The following ADGRB1 variants were observed in gnomAD, a reference collection of about 807,000 sequenced individuals.
ADGRB1 encodes adhesion G protein-coupled receptor B1, also known as brain-specific angiogenesis inhibitor 1.
ADGRB1 carries 36 observed loss-of-function variants against 175.7 expected under a neutral mutation model. The ratio of observed to expected loss-of-function variants is 0.20; its 90% CI spans 0.16 to 0.27. The LOEUF is 0.27. Ranked by LOEUF, ADGRB1 falls within the 10% of genes least tolerant of loss-of-function variation. The pLI is 1.00. For missense variants in ADGRB1, 1,731 were observed against 2,255.3 expected, an observed-to-expected ratio of 0.77 and a Z score of 4.71; for synonymous variants, 1,054 against 979.4, an observed-to-expected ratio of 1.08 and a Z score of -1.42.
In ADGRB1 at chr8:142,478,206, C is replaced by T. The variant is rs1271398485; in HGVS notation, c.1407C>T (p.Asn469=). Residue 469 remains asparagine (N), a synonymous_variant, in exon 7 of 31, where the codon AAC becomes AAT. Transcript: ENST00000517894. ...ALCPGRAVDG[N]WNEWSSWSAC... is the part of the protein sequence containing the mutation. Reference sequence around the variant, plus strand: ...CCCCGGGCCGGGCAGTGGATGGAAACTGGAATGAGTGGTCGAGCTGGAGCG... The same window carrying T: ...CCCCGGGCCGGGCAGTGGATGGAAATTGGAATGAGTGGTCGAGCTGGAGCG... 6.2e-7 allele frequency: 1 copy of T among 1,607,102 alleles called. No homozygotes were observed. Among genetic ancestry groups the T allele is most frequent in the African/African-American group, 1.3e-5 (1 of 74,790 alleles).
At chr8:142,466,776 G>A (rs1414368570) in intron 2 of ADGRB1, among the ~76,000 whole-genome samples, 1 of 152,162 alleles carries the variant, frequency 6.6e-6, no homozygotes, top group Non-Finnish European at 1.5e-5. Flanking sequence ...CGGTTTGGGA[G>A]GTGGGAGGCT....
chr8:142,540,364 G>T (rs1194799098), intron 27 of ADGRB1, among the ~76,000 whole-genome samples: 1 of 152,266 alleles, frequency 6.6e-6, no homozygotes, highest in African/African-American at 2.4e-5. Context: ...TCTCAGAGGG[G>T]TGACCCTAGG....
intron 17 of ADGRB1, among the ~76,000 whole-genome samples, chr8:142,506,836 T>G (rs1456039001): frequency 2.6e-5 from 4 of 152,204 alleles, no homozygotes; most frequent in Admixed American, 2.6e-4. Context: ...TCTGTCCTGC[T>G]AAAGGCCAGT....
Position 142,510,898 on chromosome 8 carries a change from G to T in ADGRB1, c.2676-34G>T, listed in dbSNP as rs1843064647. 1 of 1,045,970 alleles carries T rather than the reference G, an allele frequency of 9.6e-7. No homozygotes were observed. The highest frequency in any genetic ancestry group is 1.2e-6 in the Non-Finnish European group (1 of 866,314). 64.8% of individuals were successfully genotyped at this position (1,045,970 alleles called of 1,614,324 possible). A position where few individuals can be genotyped will look rare whatever the true frequency, so the allele number is the denominator to read the frequency against. On this transcript the variant is annotated intron_variant, in intron 17 of 30. Transcript: ENST00000517894. This position sits in a 1 kb window ranked among gnomAD's most constrained non-coding sequence, Gnocchi z 6.3. ...GCGTCCCCGCCGCCGCTGACGCTCC[G>T]CCTGTCTCCCTCCCGTGTCCCGCCC...
In ADGRB1 at chr8:142,491,754, G is replaced by A. The variant is rs184043152; in HGVS notation, c.2675+939G>A. Among the ~76,000 whole-genome samples the A allele has an allele frequency of 4.8e-3, 735 of 152,274 alleles. 3 individuals carry two copies. Among genetic ancestry groups the A allele is most frequent in the Middle Eastern group, 0.031 (9 of 294 alleles). ...TCAGGCCTCCCTGCACCCCTTTCCC[G>A]GGCCGAGTGTGTGCGGTCAGCATGG... is the stretch of plus-strand genomic sequence containing the variant. On this transcript the variant is annotated intron_variant, in intron 17 of 30. Transcript: ENST00000517894.
chr8:142,470,661 G>C (rs1231068961), intron 2 of ADGRB1, among the ~76,000 whole-genome samples: 1 of 152,182 alleles, frequency 6.6e-6, no homozygotes, highest in Admixed American at 6.5e-5. Flanking sequence ...GGTATGGGAG[G>C]CTGGGCTGGA....
At position 142,474,292 on chromosome 8, in the gene ADGRB1, G is replaced by A. The variant is rs536327069; in HGVS notation, c.785-1182G>A. ...CTGCTGTACCTGGGATCGAGCTGCCGGATCCCCAGTGTTCCCCAGTGGCAG... is the reference window on the plus strand; with the variant it reads ...CTGCTGTACCTGGGATCGAGCTGCCAGATCCCCAGTGTTCCCCAGTGGCAG... On this transcript the variant is annotated intron_variant, in intron 2 of 30. Transcript: ENST00000517894. This position sits in a 1 kb window ranked among gnomAD's most constrained non-coding sequence, Gnocchi z 5.8. Among the ~76,000 whole-genome samples the A allele has an allele frequency of 3.5e-4, 54 of 152,248 alleles. No homozygotes were observed. The South Asian group carries it at 4.6e-3, about 13-fold the overall frequency.
Position 142,537,162 on chromosome 8 carries a change from C to T in ADGRB1, c.3666+80C>T. 8.8e-7 allele frequency: 1 copy of T among 1,142,656 alleles called. No individual in the cohort carries two copies. The highest frequency in any genetic ancestry group is 1.2e-6 in the Non-Finnish European group (1 of 853,138). 70.8% of individuals were successfully genotyped at this position (1,142,656 alleles called of 1,614,324 possible). Reference sequence around the variant, plus strand: ...AAGTGCCTCCAGGCCCTCACCGTGCCCCAAGCTCCCCTAGGCCCCAGCAAC... The same window carrying T: ...AAGTGCCTCCAGGCCCTCACCGTGCTCCAAGCTCCCCTAGGCCCCAGCAAC... On this transcript the variant is annotated intron_variant, in intron 26 of 30. Coordinates refer to ENST00000517894, the MANE Select transcript of ADGRB1 (RefSeq NM_001702.3). The surrounding 1 kb of genome is among the most constrained non-coding windows in gnomAD (Gnocchi z 4.6).
chr8:142,542,217 A>G lies in ADGRB1; in HGVS notation c.3983A>G (p.Lys1328Arg), dbSNP rs767988317. 1 of 1,613,666 alleles carries G rather than the reference A, an allele frequency of 6.2e-7. No homozygotes were observed. Among genetic ancestry groups the G allele is most frequent in the Non-Finnish European group, 8.5e-7 (1 of 1,179,840 alleles). ...SFVGDGDIFK[K>R]LDSELSRAQE... ...GTCGGTGACGGGGACATCTTCAAGAAGCTGGACTCGGAGCTGAGCCGGGCC... is the reference window on the plus strand; with the variant it reads ...GTCGGTGACGGGGACATCTTCAAGAGGCTGGACTCGGAGCTGAGCCGGGCC... The change falls in exon 28 of 31, where the codon AAG (lysine) becomes AGG (arginine). Residue 1328 changes from lysine (K) to arginine (R), a missense_variant. Lys to Arg is a conservative substitution (Grantham distance 26). Coordinates refer to ENST00000517894, the MANE Select transcript of ADGRB1 (RefSeq NM_001702.3). The surrounding 1 kb of genome is among the most constrained non-coding windows in gnomAD (Gnocchi z 6.3).
intron 13 of ADGRB1, among the ~76,000 whole-genome samples, chr8:142,485,738 C>T (rs994578999): frequency 4.6e-5 from 7 of 152,232 alleles, no homozygotes; most frequent in African/African-American, 7.2e-5. Context: ...GAATGGCCCA[C>T]ACACGCTTCA....
intron 14 of ADGRB1, 127 bp from the exon 15 acceptor site, chr8:142,488,908 A>G (rs1199738727): frequency 8.4e-7 from 1 of 1,197,036 alleles, no homozygotes; most frequent in Non-Finnish European, 1.2e-6. Context: ...ACCATCCGCC[A>G]GGGCCCTGGA....
At chr8:142,500,265 CA>C (rs1842434285) in intron 17 of ADGRB1, among the ~76,000 whole-genome samples, 2 of 115,928 alleles carry the variant, frequency 1.7e-5, no homozygotes, top group East Asian at 5.9e-4. Flanking sequence ...TCCACCTCCC[CA>C]CGCGCCGCTC....
intron 26 of ADGRB1, among the ~76,000 whole-genome samples, 192 bp from the exon 27 acceptor site, chr8:142,539,182 A>G (rs572750669): frequency 1.2e-3 from 188 of 152,228 alleles, no homozygotes; most frequent in Non-Finnish European, 1.8e-3. Context: ...CCACCCAGAG[A>G]CACAAACGCC....
At chr8:142,517,897 G>A (rs1843537643) in intron 18 of ADGRB1, among the ~76,000 whole-genome samples, 2 of 152,274 alleles carry the variant, frequency 1.3e-5, no homozygotes, top group South Asian at 4.1e-4. Flanking sequence ...GCATATGACT[G>A]TGGGGCACAG....
At chr8:142,505,452 C>G (rs1842807218) in intron 17 of ADGRB1, among the ~76,000 whole-genome samples, 1 of 152,198 alleles carries the variant, frequency 6.6e-6, no homozygotes, top group South Asian at 2.1e-4. Flanking sequence ...CTGAGCTGCC[C>G]TCCCCTGGGA....
At position 142,542,053 on chromosome 8, in the gene ADGRB1, C is replaced by T. The variant is rs1418212851; in HGVS notation, c.3819C>T (p.Pro1273=). 6.2e-6 allele frequency: 10 copies of T among 1,612,492 alleles called. No homozygotes were observed. Among genetic ancestry groups the T allele is most frequent in the African/African-American group, 4.0e-5 (3 of 74,916 alleles). The stretch of plus-strand genomic sequence containing the variant: ...AGCTGGCCCATGCCAAGGGGCCGCC[C>T]ACCAATTTCAACAGCCTGCCGGCCA... ...KLKLAHAKGP[P]TNFNSLPANV... The change falls in exon 28 of 31, where the codon CCC becomes CCT. Residue 1273 remains proline, a synonymous_variant. Coordinates refer to ENST00000517894, the MANE Select transcript of ADGRB1 (RefSeq NM_001702.3). The surrounding 1 kb of genome is among the most constrained non-coding windows in gnomAD (Gnocchi z 6.3).
chr8:142,451,750 T>C (rs1370237286), intron 1 of ADGRB1, among the ~76,000 whole-genome samples: 1 of 151,974 alleles, frequency 6.6e-6, no homozygotes. Context: ...GTCCCTTTTC[T>C]ATCTGGGAGG....
In ADGRB1 at chr8:142,479,478, C is replaced by A. The variant is rs932540819; in HGVS notation, c.1717C>A (p.Arg573=). 6.5e-7 allele frequency: 1 copy of A among 1,543,666 alleles called. No individual in the cohort carries two copies. Among genetic ancestry groups the A allele is most frequent in the South Asian group, 1.2e-5 (1 of 82,028 alleles). ...TGAGTACCGGCAGTGCGGCACCCAG[C>A]GGTGTCCCGGTGAGGCCCCTCCTAC... The part of the protein sequence containing the change: ...QDEYRQCGTQ[R]CPEPHEICDE... Residue 573 remains arginine (R), a synonymous_variant, in exon 8 of 31, where the codon CGG becomes AGG. Coordinates refer to ENST00000517894, the MANE Select transcript of ADGRB1 (RefSeq NM_001702.3).
At position 142,533,355 on chromosome 8, in the gene ADGRB1, T is replaced by C. The variant is rs1844735954; in HGVS notation, c.3459T>C (p.Ala1153=). The change falls in exon 25 of 31, where the codon GCT becomes GCC. Residue 1153 remains alanine (A), a synonymous_variant. Coordinates refer to ENST00000517894, the MANE Select transcript of ADGRB1 (RefSeq NM_001702.3). ...LPLLALTWMS[A]VLAVTDRRSA... ...TGCTGGCGCTGACCTGGATGTCGGC[T>C]GTGCTCGCCGTCACCGACCGCCGCT... is the stretch of plus-strand genomic sequence containing the variant. The C allele has an allele frequency of 1.9e-6, 3 of 1,598,864 alleles. No homozygotes were observed. Among genetic ancestry groups the C allele is most frequent in the Admixed American group, 3.4e-5 (2 of 58,494 alleles).
Sources: allele counts gnomAD v4.1 joint callset (sites outside exome capture counted in the v4.1 genomes callset), GRCh38; gene constraint gnomAD v4.1.1; non-coding constraint Gnocchi (gnomAD v3.1); transcripts MANE v1.5; gene names NCBI Gene and HGNC (gene_info 2026-07-23, HGNC 2026-07-21).